The following CFAP54 variants were observed in gnomAD, a reference collection of about 807,000 sequenced individuals.
The protein encoded by CFAP54 is cilia and flagella associated protein 54.
CFAP54 carries 290 observed loss-of-function variants against 370.4 expected under a neutral mutation model. That is an observed-to-expected ratio of 0.78 (90% confidence interval 0.71 to 0.86). The LOEUF (loss-of-function observed/expected upper bound fraction) is 0.86. Ranked by LOEUF, CFAP54 falls within the 40% of genes least tolerant of loss-of-function variation. The probability of loss-of-function intolerance (pLI) is 0.00; values close to 1 mark genes in which losing one functional copy is unlikely to be tolerated. For missense variants in CFAP54, 3,399 were observed against 3,528.7 expected (o/e 0.96, Z 0.93); for synonymous variants, 1,206 against 1,236.5 (o/e 0.98, Z 0.52).
intron 39 of CFAP54, among the ~76,000 whole-genome samples, chr12:96,676,584 C>T (rs955498807): frequency 6.6e-6 from 1 of 152,116 alleles, no homozygotes; most frequent in Admixed American, 6.6e-5. Flanking sequence ...TTCATTCCGT[C>T]GCTCAGGCTG....
intron 44 of CFAP54, among the ~76,000 whole-genome samples, chr12:96,693,419 A>G (rs1181884325): frequency 2.0e-5 from 3 of 152,210 alleles, no homozygotes. Flanking sequence ...AATCATTTTC[A>G]AGGAAGATAA....
chr12:96,743,372 A>C (rs1045279692), intron 52 of CFAP54, 30 bp from the exon 53 acceptor site: 6 of 1,606,546 alleles, frequency 3.7e-6, no homozygotes, highest in Non-Finnish European at 4.3e-6. Flanking sequence ...TTCTCAATGC[A>C]TTTTAAATAA....
chr12:96,764,249 G>T lies in CFAP54; in HGVS notation c.8139G>T (p.Gln2713His). 1 of 1,606,686 alleles carries T rather than the reference G, an allele frequency of 6.2e-7. No individual in the cohort carries two copies. The highest frequency in any genetic ancestry group is 8.5e-7 in the Non-Finnish European group (1 of 1,175,616). Residue 2713 changes from glutamine to histidine, a missense_variant and splice_region_variant, in exon 59 of 68, where the codon CAG (glutamine) becomes CAT (histidine). Around this residue, in one of 3 missense-constraint regions of CFAP54, gnomAD observed 2,796 missense variants for 2,869.7 expected, o/e 0.97. Transcript: ENST00000524981. ...GGATTGCAATAAGAGCTGCTGCACA[G>T]GTTGGTGTGATTTTTGTTTAATCTT... ...LAWIAIRAAA[Q>H]VSEAVLAINL...
chr12:96,652,140 A>G (rs1438674534), intron 36 of CFAP54, among the ~76,000 whole-genome samples: 1 of 152,176 alleles, frequency 6.6e-6, no homozygotes, highest in African/African-American at 2.4e-5. Flanking sequence ...AAGATCACAT[A>G]GCTTGAATAA....
intron 48 of CFAP54, among the ~76,000 whole-genome samples, chr12:96,712,250 A>G (rs1957624227): frequency 6.6e-6 from 1 of 151,994 alleles, no homozygotes; most frequent in South Asian, 2.1e-4. Flanking sequence ...GAGATGTTAT[A>G]TCCTTTGTAA....
intron 65 of CFAP54, among the ~76,000 whole-genome samples, chr12:96,826,419 A>G (rs1959103621): frequency 7.8e-6 from 1 of 127,900 alleles, no homozygotes; most frequent in South Asian, 2.2e-4. Flanking sequence ...TAACAAACAT[A>G]TATAATATAT....
At chr12:96,716,508 G>A (rs554196420) in intron 48 of CFAP54, among the ~76,000 whole-genome samples, 2 of 152,320 alleles carry the variant, frequency 1.3e-5, no homozygotes, top group South Asian at 2.1e-4. Flanking sequence ...TCCCATTTGA[G>A]TTTCCTCTTC....
At chr12:96,708,339 G>A (rs1010747708) in intron 47 of CFAP54, among the ~76,000 whole-genome samples, 3 of 152,108 alleles carry the variant, frequency 2.0e-5, no homozygotes, top group Non-Finnish European at 4.4e-5. Flanking sequence ...CCTTCACTCT[G>A]AGCACCAGGT....
At chr12:96,708,153 A>T (rs1957565286) in intron 47 of CFAP54, among the ~76,000 whole-genome samples, 1 of 152,030 alleles carries the variant, frequency 6.6e-6, no homozygotes, top group African/African-American at 2.4e-5. Context: ...GAGGGTGTAT[A>T]TGGGAAGGGG....
intron 12 of CFAP54, among the ~76,000 whole-genome samples, chr12:96,536,987 A>AATACAATTCAATT (rs369063940): frequency 6.6e-4 from 97 of 147,518 alleles, no homozygotes; most frequent in African/African-American, 2.0e-3. Flanking sequence ...TCAATTCAAT[A>AATACAATTCAATT]CAATTCAATT....
At chr12:96,664,157 G>A (rs191604146) in intron 39 of CFAP54, among the ~76,000 whole-genome samples, 1 of 152,150 alleles carries the variant, frequency 6.6e-6, no homozygotes, top group Admixed American at 6.5e-5. Context: ...ACTTTTAAGT[G>A]CAGGGGTCCA....
chr12:96,853,614 C>T (rs2136456764), intron 66 of CFAP54, among the ~76,000 whole-genome samples: 1 of 152,178 alleles, frequency 6.6e-6, no homozygotes, highest in South Asian at 2.1e-4. Context: ...ATATAGAGCA[C>T]TGTATTTTAG....
chr12:96,690,955 A>G (rs183271655), intron 43 of CFAP54, among the ~76,000 whole-genome samples, 173 bp from the exon 44 acceptor site: 21 of 152,308 alleles, frequency 1.4e-4, no homozygotes, highest in African/African-American at 4.6e-4. Context: ...TGATAAAAGC[A>G]TTTGGAACCT....
chr12:96,669,054 T>C (rs1183767262), intron 39 of CFAP54, among the ~76,000 whole-genome samples: 9 of 152,126 alleles, frequency 5.9e-5, no homozygotes, highest in African/African-American at 2.2e-4. Context: ...CCAGAGATTA[T>C]AGTATAGAGT....
At chr12:96,729,659 C>T (rs775535412) in intron 50 of CFAP54, among the ~76,000 whole-genome samples, 1 of 152,212 alleles carries the variant, frequency 6.6e-6, no homozygotes, top group Non-Finnish European at 1.5e-5. Context: ...CAATGCCTCA[C>T]CCTGCTTCAG....
chr12:96,521,641 T>C (rs1477026529), intron 6 of CFAP54, among the ~76,000 whole-genome samples: 1 of 152,148 alleles, frequency 6.6e-6, no homozygotes, highest in Non-Finnish European at 1.5e-5. Flanking sequence ...CTTTCCTTTT[T>C]AAAATTTCAT....
chr12:96,858,590 C>T (rs1392497825), intron 66 of CFAP54, among the ~76,000 whole-genome samples: 1 of 152,074 alleles, frequency 6.6e-6, no homozygotes, highest in Non-Finnish European at 1.5e-5. Flanking sequence ...CTTTGTATTG[C>T]CTAGGTTATC....
chr12:96,825,415 G>T (rs1959081924), intron 65 of CFAP54, among the ~76,000 whole-genome samples: 1 of 99,882 alleles, frequency 1.0e-5, no homozygotes, highest in African/African-American at 3.8e-5. Flanking sequence ...TATATAATAT[G>T]TAACATGTTA....
chr12:96,722,184 A>G (rs1395374886), intron 50 of CFAP54, among the ~76,000 whole-genome samples: 1 of 152,110 alleles, frequency 6.6e-6, no homozygotes, highest in Non-Finnish European at 1.5e-5. Flanking sequence ...TACTTTCTCC[A>G]TACATTTTCC....
Sources: allele counts gnomAD v4.1 joint callset (sites outside exome capture counted in the v4.1 genomes callset), GRCh38; gene constraint gnomAD v4.1.1; regional missense constraint gnomAD v4.1.1; transcripts MANE v1.5; gene names NCBI Gene and HGNC (gene_info 2026-07-23, HGNC 2026-07-21).